CALN1: variants seen among roughly 807,000 people sequenced by gnomAD.
The protein encoded by CALN1 is calneuron 1.
A neutral mutation model predicts 30.6 loss-of-function variants in CALN1; 17 were observed. The observed-to-expected ratio is 0.56, with a 90% CI of 0.38 to 0.83. The LOEUF (loss-of-function observed/expected upper bound fraction) is 0.83. Ranked by LOEUF, CALN1 falls within the 40% of genes least tolerant of loss-of-function variation. The probability of loss-of-function intolerance (pLI) is 0.00; values close to 1 mark genes in which losing one functional copy is unlikely to be tolerated. For missense variants in CALN1, 291 were observed against 354.9 expected (o/e 0.82, Z 1.45); for synonymous variants, 156 against 131.4 (o/e 1.19, Z -1.28).
upstream of CALN1, among the ~76,000 whole-genome samples, chr7:72,413,480 A>C (rs1183309332): frequency 6.6e-6 from 1 of 151,902 alleles, no homozygotes; most frequent in African/African-American, 2.4e-5. Context: ...CTCATACCAC[A>C]CATGCTCACA....
intron 2 of CALN1, among the ~76,000 whole-genome samples, chr7:72,360,424 A>T (rs1478309341): frequency 1.3e-5 from 2 of 151,922 alleles, no homozygotes; most frequent in African/African-American, 4.8e-5. Flanking sequence ...TAGTTTTGAA[A>T]TTTTTTTATT....
intron 4 of CALN1, among the ~76,000 whole-genome samples, chr7:72,074,215 A>G (rs947434874): frequency 6.6e-6 from 1 of 152,178 alleles, no homozygotes; most frequent in African/African-American, 2.4e-5. Flanking sequence ...AGGAGATATA[A>G]AAGATCATGT....
At chr7:72,373,965 T>C (rs1213344608) in intron 2 of CALN1, among the ~76,000 whole-genome samples, 1 of 151,962 alleles carries the variant, frequency 6.6e-6, no homozygotes, top group African/African-American at 2.4e-5. Context: ...GAAAAATATT[T>C]TGAAAGTGCT....
At chr7:72,033,354 CAAG>C (rs1801579055) in intron 4 of CALN1, among the ~76,000 whole-genome samples, 1 of 152,110 alleles carries the variant, frequency 6.6e-6, no homozygotes, top group African/African-American at 2.4e-5. Context: ...CAAAGGGTAA[CAAG>C]AAGAAAAAAT....
intron 2 of CALN1, among the ~76,000 whole-genome samples, chr7:72,371,936 C>T (rs552849586): frequency 6.6e-6 from 1 of 152,266 alleles, no homozygotes; most frequent in African/African-American, 2.4e-5. Context: ...TATACACTAA[C>T]AGGTAGATTG....
intron 5 of CALN1, among the ~76,000 whole-genome samples, chr7:71,848,291 C>CT (rs1468047028): frequency 6.6e-6 from 1 of 152,194 alleles, no homozygotes; most frequent in Non-Finnish European, 1.5e-5. Flanking sequence ...CACATCTGTG[C>CT]TTGCTAATCA....
chr7:72,192,625 TTTATTATTA>T (rs140672013), intron 3 of CALN1, among the ~76,000 whole-genome samples: 28,370 of 143,470 alleles, frequency 0.2, 3,581 homozygotes, highest in Non-Finnish European at 0.28. Flanking sequence ...TCCCATTTCT[TTTATTATTA>T]TTATTATTAT....
At chr7:72,389,397 G>A (rs1016592248) in intron 2 of CALN1, among the ~76,000 whole-genome samples, 6 of 152,116 alleles carry the variant, frequency 3.9e-5, no homozygotes, top group African/African-American at 9.7e-5. Context: ...CCGAGGCATC[G>A]TCTTTACATT....
At chr7:72,313,297 C>T (rs751789230) in intron 2 of CALN1, among the ~76,000 whole-genome samples, 4 of 151,752 alleles carry the variant, frequency 2.6e-5, no homozygotes, top group Non-Finnish European at 5.9e-5. Flanking sequence ...ATTTAGTAAG[C>T]ATTATTGGGA....
At chr7:72,094,446 GT>G (rs1418147310) in intron 4 of CALN1, among the ~76,000 whole-genome samples, 4 of 152,012 alleles carry the variant, frequency 2.6e-5, no homozygotes, top group Non-Finnish European at 4.4e-5. Context: ...TAGAGATGAG[GT>G]TTTTCCCTGT....
At chr7:72,347,778 C>A (rs1174431390) in intron 2 of CALN1, among the ~76,000 whole-genome samples, 1 of 152,082 alleles carries the variant, frequency 6.6e-6, no homozygotes, top group Non-Finnish European at 1.5e-5. Flanking sequence ...GAAAACGGAC[C>A]AATTTTTGCT....
chr7:71,800,749 C>A (rs1584246628), intron 6 of CALN1, among the ~76,000 whole-genome samples: 1 of 151,948 alleles, frequency 6.6e-6, no homozygotes, highest in South Asian at 2.1e-4. Context: ...GAGGCCAGGG[C>A]TGGGCATTGA....
rs183440886 is a variant in CALN1, at chr7:71,818,284, G to C, written c.502-7792C>G. 3.7e-3 allele frequency among the ~76,000 whole-genome samples: 558 copies of C among 152,214 alleles called. 4 individuals are homozygous for C. Among genetic ancestry groups the C allele is most frequent in the African/African-American group, 0.013 (520 of 41,538 alleles). On this transcript the variant is annotated intron_variant, in intron 5 of 6. Transcript: ENST00000395275. ...GCTGACTTTGCCAGGTGAGTGAGGG[G>C]AGGGTGGGAAAAGGATAAGGAGGGA...
At chr7:72,438,612 T>G (rs890166514) in intron 1 of CALN1, among the ~76,000 whole-genome samples, 1 of 152,198 alleles carries the variant, frequency 6.6e-6, no homozygotes, top group African/African-American at 2.4e-5. Flanking sequence ...AAATCTCTTA[T>G]TCCTTCCTTG....
intron 3 of CALN1, among the ~76,000 whole-genome samples, chr7:72,171,279 T>C (rs1788942217): frequency 6.8e-6 from 1 of 147,640 alleles, no homozygotes; most frequent in African/African-American, 2.5e-5. Context: ...AGGACTTGGG[T>C]ATTAACTAGA....
chr7:71,833,348 A>G (rs1392536338), intron 5 of CALN1, among the ~76,000 whole-genome samples: 1 of 152,194 alleles, frequency 6.6e-6, no homozygotes, highest in Non-Finnish European at 1.5e-5. Flanking sequence ...CCCTAGATCA[A>G]TATTTGTTGA....
At chr7:72,344,555 T>C (rs1258158849) in intron 2 of CALN1, among the ~76,000 whole-genome samples, 1 of 147,288 alleles carries the variant, frequency 6.8e-6, no homozygotes, top group Non-Finnish European at 1.5e-5. Context: ...AGGGGATAAA[T>C]ATATATATAT....
At chr7:72,177,531 G>A (rs1411981299) in intron 3 of CALN1, among the ~76,000 whole-genome samples, 1 of 152,120 alleles carries the variant, frequency 6.6e-6, no homozygotes, top group Admixed American at 6.6e-5. Flanking sequence ...TGGGGAGGCT[G>A]AGAAGGGCGG....
chr7:71,789,953 T>C (rs1465393939), intron 6 of CALN1, among the ~76,000 whole-genome samples: 1 of 148,316 alleles, frequency 6.7e-6, no homozygotes, highest in Admixed American at 6.7e-5. Flanking sequence ...AAAAAAAAAA[T>C]TTAGCTGGGT....
Sources: gnomAD v4.1 joint callset for allele counts (sites outside exome capture counted in the v4.1 genomes callset) on GRCh38, gnomAD v4.1.1 for gene constraint, MANE v1.5 for transcripts, NCBI Gene and HGNC (gene_info 2026-07-23, HGNC 2026-07-21) for gene names.